Variants in PTPN13 observed in about 807,000 individuals in gnomAD.
PTPN13 encodes tyrosine-protein phosphatase non-receptor type 13.
In PTPN13, 191 loss-of-function variants were observed where a neutral mutation model predicts 284.0. The ratio of observed to expected loss-of-function variants is 0.67; its 90% CI spans 0.60 to 0.76. The LOEUF (loss-of-function observed/expected upper bound fraction) is 0.76. PTPN13 is among the 30% of genes least tolerant of loss of function. The pLI, the probability that PTPN13 is intolerant of heterozygous loss-of-function variation, is 0.00. For synonymous variants in PTPN13, 986 were observed against 1,022.3 expected (o/e 0.96, Z 0.68); for missense variants, 2,797 against 2,939.9 (o/e 0.95, Z 1.12).
intron 1 of PTPN13, among the ~76,000 whole-genome samples, chr4:86,618,829 T>C (rs953218625): frequency 2.6e-5 from 4 of 152,224 alleles, no homozygotes; most frequent in Non-Finnish European, 4.4e-5. Context: ...GATTTTGGGC[T>C]GAGACAATGG....
intron 20 of PTPN13, among the ~76,000 whole-genome samples, chr4:86,758,035 T>C (rs1380397331): frequency 1.3e-5 from 2 of 152,206 alleles, no homozygotes; most frequent in Non-Finnish European, 2.9e-5. Context: ...AATATACTTA[T>C]TTCAAAAGAA....
intron 6 of PTPN13, among the ~76,000 whole-genome samples, chr4:86,694,502 G>A (rs1234309809): frequency 7.4e-5 from 11 of 148,158 alleles, no homozygotes; most frequent in Middle Eastern, 3.5e-3. Flanking sequence ...ATCTTGAACC[G>A]GGGAGGCAGA....
chr4:86,765,830 GTTGT>G (rs1437007996), intron 26 of PTPN13, among the ~76,000 whole-genome samples: 2 of 150,918 alleles, frequency 1.3e-5, no homozygotes, highest in African/African-American at 4.9e-5. Flanking sequence ...TTTTTTTGTT[GTTGT>G]TTTTTTTTTT....
At chr4:86,775,768 G>A in intron 35 of PTPN13, 116 bp downstream of exon 35, 1 of 861,410 alleles carries the variant, frequency 1.2e-6, no homozygotes, top group Non-Finnish European at 1.8e-6. Context: ...GACTAAATTG[G>A]CAGGACTTAA....
At chr4:86,763,486 G>C (rs1204558647) in intron 24 of PTPN13, among the ~76,000 whole-genome samples, 2 of 152,146 alleles carry the variant, frequency 1.3e-5, no homozygotes, top group Non-Finnish European at 2.9e-5. Context: ...TTTAATGTTT[G>C]TATTAATAAG....
chr4:86,752,021 A>G (rs1023134199), intron 19 of PTPN13, among the ~76,000 whole-genome samples: 3 of 152,122 alleles, frequency 2.0e-5, no homozygotes, highest in Non-Finnish European at 2.9e-5. Context: ...ACCTTTTAAG[A>G]TAAATAGTTC....
intron 17 of PTPN13, among the ~76,000 whole-genome samples, chr4:86,749,074 T>C (rs1167923535): frequency 1.3e-5 from 2 of 152,194 alleles, no homozygotes; most frequent in Admixed American, 6.5e-5. Flanking sequence ...CTAGTGACAA[T>C]GAGGCATGTT....
Position 86,701,629 on chromosome 4 carries a change from G to A in PTPN13, c.1023G>A (p.Glu341=), listed in dbSNP as rs1394782636. ...VRTSTTPRKK[E]ARYSDGSIAL... ...CTTCAACTACTCCTAGAAAAAAGGA[G>A]GCAAGATACTCAGATGGAAGTATAG... Residue 341 remains glutamate (E), a synonymous_variant, in exon 7 of 48, where the codon GAG becomes GAA. Transcript: ENST00000411767. 1.9e-6 allele frequency: 3 copies of A among 1,613,770 alleles called. No individual in the cohort carries two copies. In the Admixed American group the frequency reaches 5.0e-5, roughly 27 times the overall value.
intron 36 of PTPN13, 94 bp from the exon 37 acceptor site, chr4:86,782,107 A>G (rs989275897): frequency 2.4e-6 from 2 of 838,114 alleles, no homozygotes; most frequent in Admixed American, 2.3e-5. Flanking sequence ...AAAAATAACA[A>G]CATCCCAGAA....
chr4:86,661,181 A>G (rs879578624), intron 2 of PTPN13: 6 of 415,836 alleles, frequency 1.4e-5, no homozygotes, highest in Non-Finnish European at 2.4e-5. Context: ...CACTGCTATG[A>G]CATATCACAC....
chr4:86,700,833 T>TA (rs1387647063), intron 6 of PTPN13, among the ~76,000 whole-genome samples: 2 of 152,210 alleles, frequency 1.3e-5, no homozygotes, highest in Non-Finnish European at 2.9e-5. Flanking sequence ...TTTATAGTGA[T>TA]ATGACATACA....
intron 3 of PTPN13, among the ~76,000 whole-genome samples, chr4:86,676,442 G>C (rs1728280008): frequency 6.6e-6 from 1 of 152,182 alleles, no homozygotes; most frequent in Non-Finnish European, 1.5e-5. Flanking sequence ...ACAATGGAAA[G>C]CAGTATAAAG....
At chr4:86,643,298 A>G (rs1346862838) in intron 2 of PTPN13, among the ~76,000 whole-genome samples, 1 of 152,222 alleles carries the variant, frequency 6.6e-6, no homozygotes, top group Non-Finnish European at 1.5e-5. Flanking sequence ...GTCCTGCAAA[A>G]ATTGAAAGAC....
intron 20 of PTPN13, among the ~76,000 whole-genome samples, chr4:86,753,416 A>G (rs1248712381): frequency 6.6e-6 from 1 of 152,084 alleles, no homozygotes; most frequent in East Asian, 1.9e-4. Flanking sequence ...AGACGGAACA[A>G]TAAAGATAAG....
chr4:86,758,566 C>T, intron 21 of PTPN13, 112 bp from the exon 22 acceptor site: 2 of 1,008,440 alleles, frequency 2.0e-6, no homozygotes, highest in Non-Finnish European at 3.0e-6. Context: ...TATGTGTTAC[C>T]TACTAATCAT....
At chr4:86,812,759 A>G (rs1745381210) in intron 47 of PTPN13, among the ~76,000 whole-genome samples, 1 of 152,050 alleles carries the variant, frequency 6.6e-6, no homozygotes, top group African/African-American at 2.4e-5. Flanking sequence ...AGGTGAGGTT[A>G]GAGGGGAGGT....
chr4:86,747,566 CAGCAGCAGCAGCAGCAGT>C (rs2149194817), intron 17 of PTPN13, among the ~76,000 whole-genome samples: 1 of 139,258 alleles, frequency 7.2e-6, no homozygotes, highest in African/African-American at 2.6e-5. Flanking sequence ...GCAGCAGCAG[CAGCAGCAGCAGCAGCAGT>C]AGTAGTAGTA....
At chr4:86,723,618 T>C (rs1330664994) in intron 10 of PTPN13, among the ~76,000 whole-genome samples, 1 of 152,202 alleles carries the variant, frequency 6.6e-6, no homozygotes, top group East Asian at 1.9e-4. Context: ...GCAGACACCG[T>C]TTAAGACATT....
intron 40 of PTPN13, among the ~76,000 whole-genome samples, chr4:86,787,503 A>C (rs1565579545): frequency 6.6e-6 from 1 of 151,938 alleles, no homozygotes; most frequent in African/African-American, 2.4e-5. Context: ...GAGGCAGGAG[A>C]ATCCTTTGAA....
Sources: allele counts gnomAD v4.1 joint callset (sites outside exome capture counted in the v4.1 genomes callset), GRCh38; gene constraint gnomAD v4.1.1; transcripts MANE v1.5; gene names NCBI Gene and HGNC (gene_info 2026-07-23, HGNC 2026-07-21).